Variants in MEP1B observed in about 807,000 individuals in gnomAD.
MEP1B encodes the protein N-benzoyl-L-tyrosyl-P-amino-benzoic acid hydrolase subunit beta.
MEP1B carries 80 observed loss-of-function variants against 84.6 expected under a neutral mutation model. The observed-to-expected ratio is 0.95, with a 90% CI of 0.79 to 1.14. The LOEUF is 1.14. Among genes scored for constraint, MEP1B ranks in the 50% most tolerant of loss-of-function variants. MEP1B has a pLI of 0.00. For missense variants in MEP1B, 766 were observed against 855.1 expected (o/e 0.90, Z 1.30); for synonymous variants, 273 against 288.1 (o/e 0.95, Z 0.53).
At chr18:32,201,744 T>C (rs2040915154) in intron 5 of MEP1B, among the ~76,000 whole-genome samples, 1 of 152,214 alleles carries the variant, frequency 6.6e-6, no homozygotes, top group Non-Finnish European at 1.5e-5. Flanking sequence ...TTTATAACGA[T>C]AGTGTATTAC....
chr18:32,202,770 A>T, intron 5 of MEP1B, 123 bp from the exon 6 acceptor site: 1 of 620,286 alleles, frequency 1.6e-6, no homozygotes, highest in Non-Finnish European at 2.8e-6. Flanking sequence ...AAAATAAAAG[A>T]CTCAACATTC....
chr18:32,198,019 G>A (rs1283682986), intron 5 of MEP1B, among the ~76,000 whole-genome samples: 1 of 152,176 alleles, frequency 6.6e-6, no homozygotes, highest in Non-Finnish European at 1.5e-5. Flanking sequence ...TAAAGATCAT[G>A]CATTTCAGTG....
chr18:32,212,028 GAATA>G (rs1423246259), intron 10 of MEP1B, among the ~76,000 whole-genome samples: 1 of 147,164 alleles, frequency 6.8e-6, no homozygotes, highest in Admixed American at 6.8e-5. Flanking sequence ...AATATATAAA[GAATA>G]ATTATATATA....
chr18:32,208,165 TG>T lies in MEP1B; in HGVS notation c.814del (p.Val272CysfsTer4), dbSNP rs772434244. ...MDSCSFELENVCGMIQSSGDN... is the reference protein window; with the variant it reads ...MDSCSFELENXCGMIQSSGDN... Reference sequence around the variant, plus strand: ...ACTCGTGCAGTTTTGAACTGGAAAATGTGTGTGGCATGATCCAAAGTTCAGG... The same window carrying T: ...ACTCGTGCAGTTTTGAACTGGAAAATTGTGTGGCATGATCCAAAGTTCAGG... On this transcript the variant is annotated frameshift_variant, in exon 9 of 15. Coordinates refer to ENST00000269202, the MANE Select transcript of MEP1B (RefSeq NM_005925.3). LOFTEE classifies it high-confidence loss of function. The T allele has an allele frequency of 1.2e-6, 2 of 1,613,944 alleles. No individual in the cohort carries two copies. Among genetic ancestry groups the T allele is most frequent in the African/African-American group, 2.7e-5 (2 of 75,026 alleles).
chr18:32,209,605 G>C (rs1365870734), intron 9 of MEP1B, among the ~76,000 whole-genome samples: 1 of 152,096 alleles, frequency 6.6e-6, no homozygotes, highest in Non-Finnish European at 1.5e-5. Context: ...CAGATAAGTG[G>C]GAGGTGCCTC....
intron 7 of MEP1B, among the ~76,000 whole-genome samples, chr18:32,206,581 C>T (rs868052127): frequency 1.7e-4 from 26 of 151,878 alleles, no homozygotes; most frequent in Non-Finnish European, 7.4e-5. Flanking sequence ...AGGCATGCAC[C>T]ACCATGCCTG....
chr18:32,191,400 A>G (rs186857633), intron 1 of MEP1B, among the ~76,000 whole-genome samples: 15 of 152,164 alleles, frequency 9.9e-5, no homozygotes, highest in African/African-American at 3.4e-4. Flanking sequence ...CTTGAATAAC[A>G]TTTCTTTTTA....
chr18:32,199,844 T>G (rs577949185), intron 5 of MEP1B, among the ~76,000 whole-genome samples: 83 of 152,244 alleles, frequency 5.5e-4, no homozygotes, highest in Admixed American at 5.4e-3. Context: ...CCAGCTAATT[T>G]TTTGTATTTT....
chr18:32,216,473 G>A (rs1280504464), intron 12 of MEP1B, among the ~76,000 whole-genome samples: 3 of 152,218 alleles, frequency 2.0e-5, no homozygotes, highest in Non-Finnish European at 4.4e-5. Flanking sequence ...TACCAAGCCA[G>A]AGACCTGTGA....
chr18:32,217,381 C>A (rs1318219754), intron 13 of MEP1B, among the ~76,000 whole-genome samples: 1 of 152,132 alleles, frequency 6.6e-6, no homozygotes, highest in East Asian at 1.9e-4. Context: ...ACAGTCCAGT[C>A]ATTTTAAGTG....
In MEP1B at chr18:32,216,981, A is replaced by G. The variant is rs1233347867; in HGVS notation, c.1760-10A>G. ...CTGATTTCCATCCACACTCTTCCCCATCTTCCTAGACATATCTCACCTCAA... is the reference window on the plus strand; with the variant it reads ...CTGATTTCCATCCACACTCTTCCCCGTCTTCCTAGACATATCTCACCTCAA... On this transcript the variant is annotated splice_polypyrimidine_tract_variant and intron_variant, in intron 12 of 14. Transcript: ENST00000269202. 6.2e-7 allele frequency: 1 copy of G among 1,612,890 alleles called. No homozygotes were observed. Among genetic ancestry groups the G allele is most frequent in the Admixed American group, 1.7e-5 (1 of 59,820 alleles).
At chr18:32,218,125 T>C (rs1004228352) in intron 14 of MEP1B, among the ~76,000 whole-genome samples, 160 bp downstream of exon 14, 8 of 152,258 alleles carry the variant, frequency 5.3e-5, no homozygotes, top group African/African-American at 1.7e-4. Context: ...TTACTTTCAC[T>C]GTAAATCAAC....
At chr18:32,217,614 T>C (rs2041105736) in intron 13 of MEP1B, 147 bp from the exon 14 acceptor site, 1 of 683,486 alleles carries the variant, frequency 1.5e-6, no homozygotes, top group Non-Finnish European at 2.6e-6. Flanking sequence ...TGCTAGTCTC[T>C]CTCCAGTCCA....
chr18:32,194,413 C>T (rs1053102403), intron 4 of MEP1B, among the ~76,000 whole-genome samples: 2 of 152,136 alleles, frequency 1.3e-5, no homozygotes, highest in African/African-American at 4.8e-5. Flanking sequence ...CCATAGTTGC[C>T]TATGGGTTTA....
chr18:32,216,915 A>G, intron 12 of MEP1B, 76 bp from the exon 13 acceptor site: 1 of 1,488,610 alleles, frequency 6.7e-7, no homozygotes, highest in Non-Finnish European at 9.1e-7. Context: ...AAACATTAAA[A>G]GAAAATGAAA....
At position 32,202,902 on chromosome 18, in the gene MEP1B, C is replaced by T. The variant is rs2040925978; in HGVS notation, c.260C>T (p.Ala87Val). 1 of 1,600,666 alleles carries T rather than the reference C, an allele frequency of 6.2e-7. No individual in the cohort carries two copies. ...TGTTTTCTTCCTTCAGAAATGAATG[C>T]TAAGGGAGTTATCCTCAATGCATTT... ...YVLEDSLEMN[A>V]KGVILNAFER... The change falls in exon 6 of 15, where the codon GCT becomes GTT. Residue 87 changes from alanine (A) to valine (V), a missense_variant. Coordinates refer to ENST00000269202, the MANE Select transcript of MEP1B (RefSeq NM_005925.3).
chr18:32,214,046 G>A (rs552047082), intron 11 of MEP1B, among the ~76,000 whole-genome samples: 1 of 152,234 alleles, frequency 6.6e-6, no homozygotes, highest in Admixed American at 6.5e-5. Flanking sequence ...CAGATGTTGG[G>A]TTCTTCTAAC....
rs569011465 is a variant in MEP1B, at chr18:32,208,223, G to C, written c.871G>C (p.Val291Leu). 5.9e-5 allele frequency: 96 copies of C among 1,613,950 alleles called. 1 individual carries two copies. The South Asian group carries it at 9.7e-4, about 16-fold the overall frequency. Residue 291 changes from valine to leucine, a missense_variant, in exon 9 of 15, where the codon GTT becomes CTT. Coordinates refer to ENST00000269202, the MANE Select transcript of MEP1B (RefSeq NM_005925.3). ...TGCTGACTGGCAACGGGTTTCACAG[G>C]TTCCCAGGGGGCCAGAGAGTGATCA... is the stretch of plus-strand genomic sequence containing the variant. ...DNADWQRVSQ[V>L]PRGPESDHSN...
intron 8 of MEP1B, 106 bp from the exon 9 acceptor site, chr18:32,208,013 C>A: frequency 8.8e-7 from 1 of 1,130,280 alleles, no homozygotes; most frequent in Admixed American, 2.0e-5. Context: ...GCTAGGTGTT[C>A]CCTGTAATAC....
Sources: gnomAD v4.1 joint callset for allele counts (sites outside exome capture counted in the v4.1 genomes callset) on GRCh38, gnomAD v4.1.1 for gene constraint, MANE v1.5 for transcripts, NCBI Gene and HGNC (gene_info 2026-07-23, HGNC 2026-07-21) for gene names.